Variants in ARHGAP18 observed in about 807,000 individuals in gnomAD.
ARHGAP18 encodes the protein Rho GTPase activating protein 18.
Under a neutral mutation model 86.2 loss-of-function variants are expected in ARHGAP18, and 67 were observed. That is an observed-to-expected ratio of 0.78 (90% CI 0.64 to 0.95). The LOEUF is 0.95. Among genes scored for constraint, ARHGAP18 ranks in the 40% least tolerant of loss-of-function variants. The probability of loss-of-function intolerance (pLI) is 0.00; values close to 1 mark genes in which losing one functional copy is unlikely to be tolerated. For synonymous variants in ARHGAP18, 283 were observed against 280.4 expected, an observed-to-expected ratio of 1.01 and a Z score of -0.09; for missense variants, 691 against 780.4, an observed-to-expected ratio of 0.89 and a Z score of 1.37.
At chr6:129,624,071 G>A (rs1161451649) in intron 5 of ARHGAP18, among the ~76,000 whole-genome samples, 1 of 152,124 alleles carries the variant, frequency 6.6e-6, no homozygotes, top group East Asian at 1.9e-4. Flanking sequence ...AAATGGCAGA[G>A]GGAGTTTTGT....
intron 1 of ARHGAP18, among the ~76,000 whole-genome samples, chr6:129,653,494 TA>T (rs1367921653): frequency 1.3e-5 from 2 of 152,186 alleles, no homozygotes; most frequent in African/African-American, 2.4e-5. Context: ...TCAGCTCTAC[TA>T]GGGGGACAGA....
chr6:129,676,952 G>T (rs1475895454), intron 1 of ARHGAP18, among the ~76,000 whole-genome samples: 8 of 105,462 alleles, frequency 7.6e-5, no homozygotes, highest in African/African-American at 2.9e-4. Context: ...TTTTTTTAAG[G>T]AAGGAAAATA....
At chr6:129,620,234 A>G (rs1380332715) in intron 5 of ARHGAP18, among the ~76,000 whole-genome samples, 1 of 152,246 alleles carries the variant, frequency 6.6e-6, no homozygotes, top group African/African-American at 2.4e-5. Context: ...TTTACAAAAT[A>G]TTTTAACTAA....
chr6:129,606,516 C>T (rs1382765642), intron 9 of ARHGAP18, among the ~76,000 whole-genome samples: 1 of 152,130 alleles, frequency 6.6e-6, no homozygotes, highest in Non-Finnish European at 1.5e-5. Context: ...TTATCATTTT[C>T]AGCAGCCCTT....
chr6:129,610,676 G>A (rs2114460514), intron 8 of ARHGAP18, among the ~76,000 whole-genome samples: 1 of 152,130 alleles, frequency 6.6e-6, no homozygotes, highest in South Asian at 2.1e-4. Context: ...TGCCCGGGCT[G>A]GAGTGCAATG....
intron 5 of ARHGAP18, among the ~76,000 whole-genome samples, chr6:129,628,949 A>G (rs1045568087): frequency 6.6e-6 from 1 of 152,180 alleles, no homozygotes; most frequent in Non-Finnish European, 1.5e-5. Context: ...AAAAGTACAT[A>G]TAGATAGATA....
At chr6:129,675,879 TA>T (rs973031957) in intron 1 of ARHGAP18, among the ~76,000 whole-genome samples, 3 of 152,174 alleles carry the variant, frequency 2.0e-5, no homozygotes, top group Non-Finnish European at 4.4e-5. Context: ...CACTCCACCG[TA>T]CTCCACCCCA....
At chr6:129,629,182 G>C (rs1773125630) in intron 5 of ARHGAP18, among the ~76,000 whole-genome samples, 171 bp downstream of exon 5, 1 of 151,974 alleles carries the variant, frequency 6.6e-6, no homozygotes, top group Non-Finnish European at 1.5e-5. Flanking sequence ...CCAGGAGTTT[G>C]AGATAAGCCT....
chr6:129,615,241 C>T (rs192199431), intron 7 of ARHGAP18, among the ~76,000 whole-genome samples: 9 of 152,292 alleles, frequency 5.9e-5, no homozygotes, highest in Non-Finnish European at 4.4e-5. Flanking sequence ...TCCTGTTAAT[C>T]ACAGGTACTG....
intron 3 of ARHGAP18, among the ~76,000 whole-genome samples, chr6:129,636,086 A>T (rs188215226): frequency 6.6e-6 from 1 of 152,328 alleles, no homozygotes; most frequent in East Asian, 1.9e-4. Flanking sequence ...TTGGGAAGAA[A>T]ATGTCATAAT....
At chr6:129,589,564 T>G (rs549638814) in intron 12 of ARHGAP18, among the ~76,000 whole-genome samples, 2 of 152,272 alleles carry the variant, frequency 1.3e-5, no homozygotes, top group South Asian at 2.1e-4. Context: ...CCTCCAAGTC[T>G]CTAGTTCCAA....
At chr6:129,620,513 C>G (rs1004389381) in intron 5 of ARHGAP18, among the ~76,000 whole-genome samples, 1 of 152,158 alleles carries the variant, frequency 6.6e-6, no homozygotes, top group Non-Finnish European at 1.5e-5. Flanking sequence ...AAGCAAACCA[C>G]AAGATAAAAA....
At chr6:129,601,652 A>G (rs1788748692) in intron 10 of ARHGAP18, among the ~76,000 whole-genome samples, 1 of 148,916 alleles carries the variant, frequency 6.7e-6, no homozygotes, top group Admixed American at 6.7e-5. Context: ...TTTTGAGACC[A>G]GGTCTCACTC....
chr6:129,686,873 C>T lies in ARHGAP18; in HGVS notation c.113+23151G>A, dbSNP rs143267263. Among the ~76,000 whole-genome samples, 3 of 151,244 alleles carry T rather than the reference C, an allele frequency of 2.0e-5. No individual in the cohort carries two copies. In the East Asian group the frequency reaches 5.8e-4, roughly 29 times the overall value. On this transcript the variant is annotated intron_variant, in intron 1 of 14. Coordinates refer to ENST00000368149, the MANE Select transcript of ARHGAP18 (RefSeq NM_033515.3). ...TGGCGCGATCTCGGATCACTGCAAC[C>T]TCCACCTCCTAGGTTCAAGCGATCC...
intron 14 of ARHGAP18, 52 bp downstream of exon 14, chr6:129,580,018 C>T (rs1788253867): frequency 7.0e-7 from 1 of 1,423,650 alleles, no homozygotes; most frequent in Admixed American, 1.7e-5. Flanking sequence ...ATAATAACCA[C>T]TGGCAATATC....
intron 1 of ARHGAP18, among the ~76,000 whole-genome samples, chr6:129,661,475 C>T (rs1169590686): frequency 7.3e-5 from 11 of 149,776 alleles, no homozygotes; most frequent in Admixed American, 6.7e-4. Context: ...TTTCTTTCCC[C>T]CTATTTAATA....
chr6:129,654,582 C>G (rs1773787861), intron 1 of ARHGAP18, among the ~76,000 whole-genome samples: 1 of 152,184 alleles, frequency 6.6e-6, no homozygotes, highest in Admixed American at 6.5e-5. Context: ...GGATCTGAAA[C>G]AGCTGAAGAA....
chr6:129,617,143 ACTTAGAAATAG>A (rs1289114342), intron 6 of ARHGAP18, among the ~76,000 whole-genome samples: 1 of 152,176 alleles, frequency 6.6e-6, no homozygotes, highest in Admixed American at 6.5e-5. Context: ...GATTGTATAT[ACTTAGAAATAG>A]CTCCAGAAAA....
At chr6:129,659,291 T>C (rs6569617) in intron 1 of ARHGAP18, among the ~76,000 whole-genome samples, 73,228 of 151,910 alleles carry the variant, frequency 0.48, 17,971 homozygotes, top group African/African-American at 0.56. Flanking sequence ...AGACAATTGC[T>C]GTCATTCCTT....
Sources: allele counts gnomAD v4.1 joint callset (sites outside exome capture counted in the v4.1 genomes callset), GRCh38; gene constraint gnomAD v4.1.1; transcripts MANE v1.5; gene names NCBI Gene and HGNC (gene_info 2026-07-23, HGNC 2026-07-21).